Variants in ALK observed in about 807,000 individuals in gnomAD.
ALK encodes ALK tyrosine kinase receptor.
A neutral mutation model predicts 163.1 loss-of-function variants in ALK; 74 were observed. The ratio of observed to expected loss-of-function variants is 0.45; its 90% CI spans 0.38 to 0.55. The LOEUF (loss-of-function observed/expected upper bound fraction) is 0.55, where lower values mean the gene tolerates loss of function less well. Among genes scored for constraint, ALK ranks in the 20% least tolerant of loss-of-function variants. The probability of loss-of-function intolerance (pLI) is 0.00; values close to 1 mark genes in which losing one functional copy is unlikely to be tolerated. For synonymous variants in ALK, 960 were observed against 843.2 expected (o/e 1.14, Z -2.40); for missense variants, 2,063 against 2,105.3 (o/e 0.98, Z 0.39).
rs115462167 is a variant in ALK, at chr2:29,545,763, G to A, written c.953-13647C>T. ...AGCACTTTGAAGAGAAATGGTATTC[G>A]TTTTTGAGACTGAATCATTAGAAAA... is the stretch of plus-strand genomic sequence containing the variant. On this transcript the variant is annotated intron_variant, in intron 3 of 28. Coordinates refer to ENST00000389048, the MANE Select transcript of ALK (RefSeq NM_004304.5). Among the ~76,000 whole-genome samples, 1,032 of 152,296 alleles carry A rather than the reference G, an allele frequency of 6.8e-3. 6 individuals are homozygous for A. The highest frequency in any genetic ancestry group is 0.024 in the African/African-American group (989 of 41,568).
At chr2:29,745,443 T>G (rs1020488167) in intron 1 of ALK, among the ~76,000 whole-genome samples, 7 of 152,142 alleles carry the variant, frequency 4.6e-5, no homozygotes, top group Non-Finnish European at 1.0e-4. Flanking sequence ...CCACCATATA[T>G]AATAAAATGA....
In ALK at chr2:29,318,311, G is replaced by A. The variant is rs1263523427; in HGVS notation, c.1640C>T (p.Pro547Leu). 6.2e-7 allele frequency: 1 copy of A among 1,612,212 alleles called. No homozygotes were observed. The highest frequency in any genetic ancestry group is 1.1e-5 in the South Asian group (1 of 91,024). ...ATFPAPIKSSPCELRMSWLIR... is the reference protein window; with the variant it reads ...ATFPAPIKSSLCELRMSWLIR... Reference sequence around the variant, plus strand: ...AGAAACAAGGAGACTTGCCTCACATGGAGAGCTCTTGATCGGTGCAGGAAA... The same window carrying A: ...AGAAACAAGGAGACTTGCCTCACATAGAGAGCTCTTGATCGGTGCAGGAAA... Residue 547 changes from proline to leucine, a missense_variant, in exon 8 of 29, where the codon CCA becomes CTA. By Grantham distance (98) the Pro-to-Leu change is moderately conservative (BLOSUM62 -3). Around this residue, in one of 5 missense-constraint regions of ALK, gnomAD observed 987 missense variants for 939.5 expected, o/e 1.05. Transcript: ENST00000389048.
intron 3 of ALK, among the ~76,000 whole-genome samples, chr2:29,675,448 G>A (rs968993218): frequency 2.0e-5 from 3 of 151,932 alleles, no homozygotes; most frequent in South Asian, 2.1e-4. Context: ...CCCCTTAAAG[G>A]CAGCCTGCGT....
intron 4 of ALK, among the ~76,000 whole-genome samples, chr2:29,485,966 A>C (rs1415203262): frequency 6.6e-6 from 1 of 152,090 alleles, no homozygotes; most frequent in East Asian, 1.9e-4. Context: ...GGTCATCCTT[A>C]GAAGTATTTA....
At chr2:29,273,388 C>G (rs1192306734) in intron 11 of ALK, among the ~76,000 whole-genome samples, 1 of 152,192 alleles carries the variant, frequency 6.6e-6, no homozygotes, top group Non-Finnish European at 1.5e-5. Context: ...GACTTGTGTT[C>G]CAGCTGCTGT....
chr2:29,893,931 G>A (rs777619826), intron 1 of ALK, among the ~76,000 whole-genome samples: 9 of 152,108 alleles, frequency 5.9e-5, no homozygotes, highest in Non-Finnish European at 8.8e-5. Flanking sequence ...CTTATGGACT[G>A]ATATGAGGAC....
intron 3 of ALK, chr2:29,680,998 T>C (rs1320916086): frequency 6.6e-6 from 1 of 152,182 alleles, no homozygotes; most frequent in East Asian, 1.9e-4. Flanking sequence ...TTTCAGGTGC[T>C]TATTTTTATT....
At chr2:29,282,204 T>C (rs1665735026) in intron 9 of ALK, among the ~76,000 whole-genome samples, 1 of 152,188 alleles carries the variant, frequency 6.6e-6, no homozygotes, top group Non-Finnish European at 1.5e-5. Context: ...TGGCAGGTAC[T>C]GTAGAGGAAA....
At chr2:29,902,868 T>G (rs947009136) in intron 1 of ALK, among the ~76,000 whole-genome samples, 1 of 152,162 alleles carries the variant, frequency 6.6e-6, no homozygotes, top group African/African-American at 2.4e-5. Context: ...GCTCACACCA[T>G]CTAGTATTAT....
chr2:29,810,447 G>A (rs1390390121), intron 1 of ALK, among the ~76,000 whole-genome samples: 1 of 150,672 alleles, frequency 6.6e-6, no homozygotes, highest in Non-Finnish European at 1.5e-5. Context: ...AAAAGGGATA[G>A]TCATACTATC....
intron 1 of ALK, among the ~76,000 whole-genome samples, chr2:29,814,920 G>A (rs1160795505): frequency 6.6e-6 from 1 of 151,140 alleles, no homozygotes; most frequent in Non-Finnish European, 1.5e-5. Flanking sequence ...TAGTCGTGGT[G>A]GTTGTGATTT....
chr2:29,193,995 T>A (rs1462402645), intron 28 of ALK, 73 bp from the exon 29 acceptor site: 6 of 1,385,778 alleles, frequency 4.3e-6, no homozygotes, highest in South Asian at 3.6e-5. Flanking sequence ...ACCTTAGAGA[T>A]GATGTTATCT....
Position 29,920,721 on chromosome 2 carries a change from A to G in ALK, c.-62T>C. ...CCAGCCTCACCCTTCGCTCTCCCCG[A>G]GATGGGAAGAGGCTCTGAACAGTCC... On this transcript the variant is annotated 5_prime_UTR_variant, in exon 1 of 29. Coordinates refer to ENST00000389048, the MANE Select transcript of ALK (RefSeq NM_004304.5). The G allele has an allele frequency of 7.1e-7, 1 of 1,406,266 alleles. No individual in the cohort carries two copies. The highest frequency in any genetic ancestry group is 9.7e-7 in the Non-Finnish European group (1 of 1,032,062). The allele number at this position is 1,406,266 out of a possible 1,614,324, so 87.1% of individuals were successfully genotyped here. A position where few individuals can be genotyped will look rare whatever the true frequency, so the allele number is the denominator to read the frequency against.
intron 1 of ALK, among the ~76,000 whole-genome samples, chr2:29,848,759 A>C (rs1194958425): frequency 6.6e-6 from 1 of 152,168 alleles, no homozygotes; most frequent in Non-Finnish European, 1.5e-5. Flanking sequence ...TCTTGAGCAC[A>C]TATCCTGCGG....
At chr2:29,659,994 C>T (rs1047473788) in intron 3 of ALK, among the ~76,000 whole-genome samples, 1 of 152,146 alleles carries the variant, frequency 6.6e-6, no homozygotes, top group Non-Finnish European at 1.5e-5. Context: ...ATTAGCTAGA[C>T]TCCATCTTTT....
chr2:29,920,784 G>C lies in ALK; in HGVS notation c.-125C>G. 1.2e-6 allele frequency: 1 copy of C among 832,246 alleles called. No homozygotes were observed. Among genetic ancestry groups the C allele is most frequent in the Non-Finnish European group, 1.9e-6 (1 of 536,802 alleles). 51.6% of individuals were successfully genotyped at this position (832,246 alleles called of 1,614,324 possible). A position where few individuals can be genotyped will look rare whatever the true frequency, so the allele number is the denominator to read the frequency against. On this transcript the variant is annotated 5_prime_UTR_variant, in exon 1 of 29. Transcript: ENST00000389048. ...GGCTCCTTCCACCTGATCTCCAGAGGACTGTGCGTGCGCGCAAGTCTCTTG... is the reference window on the plus strand; with the variant it reads ...GGCTCCTTCCACCTGATCTCCAGAGCACTGTGCGTGCGCGCAAGTCTCTTG...
intron 4 of ALK, among the ~76,000 whole-genome samples, chr2:29,527,757 C>T (rs1419337222): frequency 6.6e-6 from 1 of 152,120 alleles, no homozygotes; most frequent in African/African-American, 2.4e-5. Context: ...CCAAGTGATC[C>T]TCCCGCCTTG....
intron 4 of ALK, among the ~76,000 whole-genome samples, chr2:29,473,258 T>A (rs891059183): frequency 2.0e-4 from 31 of 152,170 alleles, no homozygotes; most frequent in African/African-American, 5.5e-4. Context: ...TGCAATGCAG[T>A]GGAGAAAGGA....
chr2:29,332,896 A>G (rs1308442563), intron 5 of ALK, among the ~76,000 whole-genome samples: 4 of 152,234 alleles, frequency 2.6e-5, no homozygotes, highest in Non-Finnish European at 5.9e-5. Context: ...CTGAATCAAA[A>G]GGTATAAACA....
Sources: gnomAD v4.1 joint callset for allele counts (sites outside exome capture counted in the v4.1 genomes callset) on GRCh38, gnomAD v4.1.1 for gene constraint, gnomAD v4.1.1 regional missense constraint, MANE v1.5 for transcripts, NCBI Gene and HGNC (gene_info 2026-07-23, HGNC 2026-07-21) for gene names.